Variants in SSB observed in about 807,000 individuals in gnomAD.
The protein encoded by SSB is lupus La protein.
SSB carries 17 observed loss-of-function variants against 52.9 expected under a neutral mutation model. That is an observed-to-expected ratio of 0.32 (90% CI 0.22 to 0.48). The LOEUF (loss-of-function observed/expected upper bound fraction) is 0.48, where lower values mean the gene tolerates loss of function less well. Among genes scored for constraint, SSB ranks in the 20% least tolerant of loss-of-function variants. The pLI is 0.99. For missense variants in SSB, 314 were observed against 463.6 expected (o/e 0.68, Z 2.96); for synonymous variants, 111 against 152.1 (o/e 0.73, Z 1.99).
intron 2 of SSB, among the ~76,000 whole-genome samples, chr2:169,804,711 A>G (rs1025991542): frequency 6.6e-6 from 1 of 151,974 alleles, no homozygotes; most frequent in Non-Finnish European, 1.5e-5. Flanking sequence ...ATGTGCAGCT[A>G]ATTTTTGTAT....
In SSB at chr2:169,810,338, A is replaced by G. The variant is rs2105704619; in HGVS notation, c.725A>G (p.Asp242Gly). 2 of 1,610,120 alleles carry G rather than the reference A, an allele frequency of 1.2e-6. No individual in the cohort carries two copies. Among genetic ancestry groups the G allele is most frequent in the African/African-American group, 2.7e-5 (2 of 74,932 alleles). Residue 242 changes from aspartate to glycine, a missense_variant, in exon 9 of 12, where the codon GAT (aspartate) becomes GGT (glycine). By Grantham distance (94) the Asp-to-Gly change is moderately conservative. Coordinates refer to ENST00000260956, the MANE Select transcript of SSB (RefSeq NM_003142.5). ...CTGAAATTTTCGGGTGATTTAGATG[A>G]TCAGACCTGTAGAGAAGATTTACAC... Reference protein sequence around the residue: ...CLLKFSGDLDDQTCREDLHIL... With the variant: ...CLLKFSGDLDGQTCREDLHIL...
chr2:169,807,199 T>A lies in SSB; in HGVS notation c.554+128T>A, dbSNP rs1162232219. 7.1e-6 allele frequency: 5 copies of A among 701,284 alleles called. No homozygotes were observed. The East Asian group carries it at 1.3e-4, about 18-fold the overall frequency. 43.4% of individuals were successfully genotyped at this position (701,284 alleles called of 1,614,324 possible). A position where few individuals can be genotyped will look rare whatever the true frequency, so the allele number is the denominator to read the frequency against. On this transcript the variant is annotated intron_variant, in intron 6 of 11. Coordinates refer to ENST00000260956, the MANE Select transcript of SSB (RefSeq NM_003142.5). ...GTATCTTTAGATGACCTTTGAGAAA[T>A]GCTTGATATTTGTTCAGTGAGAACT...
chr2:169,810,770 C>T (rs904697186), intron 9 of SSB, 88 bp from the exon 10 acceptor site: 3 of 1,288,134 alleles, frequency 2.3e-6, no homozygotes, highest in African/African-American at 3.0e-5. Context: ...GGAAGGTTTG[C>T]AGGGTAGAAA....
In SSB at chr2:169,811,309, A is replaced by T. The variant is rs1201618687; in HGVS notation, c.1124A>T (p.Glu375Val). ...ASDDEHDEHDENGATGPVKRA... is the reference protein window; with the variant it reads ...ASDDEHDEHDVNGATGPVKRA... ...GATGATGAACATGATGAACATGATGAAAATGGTGCAACTGGTAAGTTTTTT... is the reference window on the plus strand; with the variant it reads ...GATGATGAACATGATGAACATGATGTAAATGGTGCAACTGGTAAGTTTTTT... Residue 375 changes from glutamate (E) to valine (V), a missense_variant, in exon 11 of 12, where the codon GAA becomes GTA. Physicochemically the swap from Glu to Val is moderately radical, Grantham distance 121. Coordinates refer to ENST00000260956, the MANE Select transcript of SSB (RefSeq NM_003142.5). 4.4e-6 allele frequency: 7 copies of T among 1,587,654 alleles called. No homozygotes were observed. In the African/African-American group the frequency reaches 9.6e-5, roughly 22 times the overall value.
At chr2:169,804,389 G>A (rs879652126) in intron 2 of SSB, among the ~76,000 whole-genome samples, 8 of 151,368 alleles carry the variant, frequency 5.3e-5, no homozygotes, top group Admixed American at 2.0e-4. Context: ...CTAGAGGCAC[G>A]TACCTCTATT....
intron 2 of SSB, 56 bp from the exon 3 acceptor site, chr2:169,805,418 C>A: frequency 7.7e-7 from 1 of 1,296,316 alleles, no homozygotes; most frequent in Non-Finnish European, 1.1e-6. Flanking sequence ...AGAGTAATGT[C>A]AGGATTGGAG....
Position 169,808,514 on chromosome 2 carries a change from GAA to G in SSB, c.590_591del (p.Lys197ThrfsTer3). 1.2e-6 allele frequency: 2 copies of G among 1,613,518 alleles called. No homozygotes were observed. Among genetic ancestry groups the G allele is most frequent in the Non-Finnish European group, 1.7e-6 (2 of 1,179,696 alleles). ...TACTTTGCCAAAAAAAATGAAGAAA[GAA>G]AACAAAATAAAGTGGAAGCTAAATT... On this transcript the variant is annotated frameshift_variant, in exon 7 of 12. Coordinates refer to ENST00000260956, the MANE Select transcript of SSB (RefSeq NM_003142.5). LOFTEE classifies it high-confidence loss of function.
At chr2:169,803,587 A>G (rs556011868) in intron 2 of SSB, among the ~76,000 whole-genome samples, 4 of 152,054 alleles carry the variant, frequency 2.6e-5, no homozygotes, top group Non-Finnish European at 5.9e-5. Flanking sequence ...TTAGCTGGGC[A>G]TGGTGGCATG....
chr2:169,807,848 T>G (rs1689860239), intron 6 of SSB, among the ~76,000 whole-genome samples: 1 of 150,416 alleles, frequency 6.6e-6, no homozygotes, highest in Non-Finnish European at 1.5e-5. Flanking sequence ...ACCAGAGCAT[T>G]TTCATGATAA....
intron 1 of SSB, 72 bp from the exon 2 acceptor site, chr2:169,800,880 T>C (rs1689699035): frequency 1.7e-6 from 2 of 1,183,350 alleles, no homozygotes; most frequent in Admixed American, 2.7e-5. Flanking sequence ...ATTAATACTT[T>C]GTAAACATTA....
chr2:169,805,160 A>G (rs1351268952), intron 2 of SSB, among the ~76,000 whole-genome samples: 2 of 152,080 alleles, frequency 1.3e-5, no homozygotes, highest in African/African-American at 2.4e-5. Flanking sequence ...TGATTAACCA[A>G]TTTCTTCCAG....
chr2:169,800,746 T>G (rs1467714550), intron 1 of SSB, among the ~76,000 whole-genome samples: 1 of 152,168 alleles, frequency 6.6e-6, no homozygotes, highest in Non-Finnish European at 1.5e-5. Context: ...AGACAAGTTT[T>G]TTATAGTTTT....
At position 169,810,867 on chromosome 2, in the gene SSB, C is replaced by G. The variant is rs1323344081; in HGVS notation, c.820C>G (p.Leu274Val). ...TCTGTCTCTGGTATAGGGGATAATT[C>G]TATTTAAAGAAAAAGCCAAGGAAGC... ...FVRGAKEGIILFKEKAKEALG... is the reference protein window; with the variant it reads ...FVRGAKEGIIVFKEKAKEALG... Residue 274 changes from leucine (L) to valine (V), a missense_variant, in exon 10 of 12, where the codon CTA (leucine) becomes GTA (valine). Coordinates refer to ENST00000260956, the MANE Select transcript of SSB (RefSeq NM_003142.5). The G allele has an allele frequency of 6.2e-7, 1 of 1,605,952 alleles. No homozygotes were observed.
intron 1 of SSB, among the ~76,000 whole-genome samples, chr2:169,799,728 A>T (rs1282761021): frequency 1.3e-5 from 2 of 152,176 alleles, no homozygotes; most frequent in Middle Eastern, 3.4e-3. Context: ...CTCTAGGGGG[A>T]TGTGGATCAC....
intron 4 of SSB, 76 bp downstream of exon 4, chr2:169,805,915 A>C (rs1689819717): frequency 7.6e-7 from 1 of 1,314,072 alleles, no homozygotes; most frequent in East Asian, 2.4e-5. Context: ...AGGGCTCAGG[A>C]ATCACAGCCT....
rs59743225 is a variant in SSB, at chr2:169,800,534, C to CAAA, written c.-9-401_-9-399dup. Among the ~76,000 whole-genome samples, 93 of 78,246 alleles carry CAAA rather than the reference C, an allele frequency of 1.2e-3. 6 individuals carry two copies. The highest frequency in any genetic ancestry group is 4.5e-3 in the African/African-American group (79 of 17,694). 51.3% of individuals were successfully genotyped at this position (78,246 alleles called of 152,430 possible). On this transcript the variant is annotated intron_variant, in intron 1 of 11. Transcript: ENST00000260956. ...GGGCAACAAAAGCGAGACTCCGTCT[C>CAAA]AAAAAAAAAAAAAAAAAAAGAGGTG...
chr2:169,810,798 GA>G, intron 9 of SSB, 59 bp from the exon 10 acceptor site: 2 of 1,514,484 alleles, frequency 1.3e-6, no homozygotes, highest in Non-Finnish European at 1.8e-6. Context: ...TTTGGACAAA[GA>G]AATTAATTGT....
At chr2:169,799,331 C>G (rs1295230770) in intron 1 of SSB, 1 of 135,048 alleles carries the variant, frequency 7.4e-6, no homozygotes, top group African/African-American at 2.8e-5. Context: ...TCACCGAAGG[C>G]TTGTGGCCAT....
chr2:169,799,230 C>T (rs1268020182), intron 1 of SSB: 2 of 147,600 alleles, frequency 1.4e-5, no homozygotes, highest in Non-Finnish European at 3.0e-5. Flanking sequence ...CAGGCAGTTC[C>T]GCGGTTGCTT....
Sources: allele counts gnomAD v4.1 joint callset (sites outside exome capture counted in the v4.1 genomes callset), GRCh38; gene constraint gnomAD v4.1.1; transcripts MANE v1.5; gene names NCBI Gene and HGNC (gene_info 2026-07-23, HGNC 2026-07-21).